The following ENAH variants were observed in gnomAD, a reference collection of about 807,000 sequenced individuals.
The protein encoded by ENAH is ENAH actin regulator.
A neutral mutation model predicts 78.7 loss-of-function variants in ENAH; 23 were observed. That is an observed-to-expected ratio of 0.29 (90% CI 0.21 to 0.41). The LOEUF is 0.41. Among genes scored for constraint, ENAH ranks in the 10% least tolerant of loss-of-function variants. The pLI, the probability that ENAH is intolerant of heterozygous loss-of-function variation, is 1.00. For synonymous variants in ENAH, 226 were observed against 241.0 expected (o/e 0.94, Z 0.58); for missense variants, 544 against 691.0 (o/e 0.79, Z 2.39).
intron 2 of ENAH, among the ~76,000 whole-genome samples, chr1:225,565,952 GA>G (rs1259171058): frequency 6.6e-6 from 1 of 152,158 alleles, no homozygotes; most frequent in Non-Finnish European, 1.5e-5. Context: ...TGTATAAATG[GA>G]TAAATCTGGT....
At chr1:225,646,414 T>A (rs1661971488) in intron 1 of ENAH, among the ~76,000 whole-genome samples, 1 of 151,908 alleles carries the variant, frequency 6.6e-6, no homozygotes, top group African/African-American at 2.4e-5. Context: ...CACCCTACCA[T>A]GTGAGGACAC....
intron 4 of ENAH, among the ~76,000 whole-genome samples, chr1:225,521,937 A>T (rs576535133): frequency 9.9e-5 from 15 of 152,178 alleles, no homozygotes; most frequent in African/African-American, 3.4e-4. Context: ...CTGGGACTAC[A>T]GGTGCCCGCC....
chr1:225,519,164 T>C (rs1445705306), intron 5 of ENAH, 34 bp downstream of exon 5: 8 of 1,602,218 alleles, frequency 5.0e-6, no homozygotes, highest in African/African-American at 1.3e-5. Flanking sequence ...CAAGCTCAGA[T>C]ACAAGAACAC....
chr1:225,537,213 C>A (rs1336880671), intron 3 of ENAH, among the ~76,000 whole-genome samples: 1 of 152,092 alleles, frequency 6.6e-6, no homozygotes, highest in Non-Finnish European at 1.5e-5. Context: ...AAAGATACTG[C>A]CACATCCCAT....
chr1:225,524,389 C>G (rs925326369), intron 4 of ENAH, among the ~76,000 whole-genome samples: 4 of 152,140 alleles, frequency 2.6e-5, no homozygotes, highest in African/African-American at 7.2e-5. Context: ...GAAGTAGGAA[C>G]AGTCTAGGAA....
intron 4 of ENAH, among the ~76,000 whole-genome samples, chr1:225,525,684 T>C (rs1162095531): frequency 1.3e-5 from 2 of 152,164 alleles, no homozygotes; most frequent in Non-Finnish European, 1.5e-5. Context: ...CATTCTTGCT[T>C]TACTCCCTCA....
intron 3 of ENAH, among the ~76,000 whole-genome samples, chr1:225,549,564 C>G (rs1302982653): frequency 1.3e-5 from 2 of 152,174 alleles, no homozygotes; most frequent in African/African-American, 4.8e-5. Flanking sequence ...CCTCGCATCA[C>G]TACAGTAGTG....
Position 225,554,891 on chromosome 1 carries a change from C to G in ENAH, c.349+15G>C. 1 of 1,500,222 alleles carries G rather than the reference C, an allele frequency of 6.7e-7. No homozygotes were observed. Among genetic ancestry groups the G allele is most frequent in the African/African-American group, 1.4e-5 (1 of 73,304 alleles). 92.9% of individuals were successfully genotyped at this position (1,500,222 alleles called of 1,614,324 possible). ...GAAAAAGAAAGAAAATACAAATAAA[C>G]CATGGGCACCTTACCTGTTTCCTGT... On this transcript the variant is annotated intron_variant, in intron 3 of 13. Coordinates refer to ENST00000366843, the MANE Select transcript of ENAH (RefSeq NM_018212.6).
intron 1 of ENAH, among the ~76,000 whole-genome samples, chr1:225,605,743 A>G (rs879469096): frequency 2.0e-5 from 3 of 152,200 alleles, no homozygotes; most frequent in Non-Finnish European, 4.4e-5. Flanking sequence ...AACTGAGTAT[A>G]CAGGTGGGCC....
At chr1:225,538,748 A>G (rs1305860762) in intron 3 of ENAH, among the ~76,000 whole-genome samples, 1 of 152,204 alleles carries the variant, frequency 6.6e-6, no homozygotes, top group African/African-American at 2.4e-5. Context: ...CACTGGCAAT[A>G]GTCTTAATAT....
At chr1:225,540,523 G>C (rs981790115) in intron 3 of ENAH, among the ~76,000 whole-genome samples, 4 of 152,066 alleles carry the variant, frequency 2.6e-5, no homozygotes, top group Non-Finnish European at 5.9e-5. Flanking sequence ...AAAAAATGAA[G>C]GCAGTGAAGA....
At chr1:225,537,130 GA>G (rs200462336) in intron 3 of ENAH, among the ~76,000 whole-genome samples, 31 of 149,846 alleles carry the variant, frequency 2.1e-4, no homozygotes, top group Non-Finnish European at 3.0e-4. Flanking sequence ...TATTTAAAGA[GA>G]AAAAAAAACC....
intron 3 of ENAH, chr1:225,535,483 T>C (rs2096557362): frequency 6.9e-6 from 9 of 1,295,394 alleles, no homozygotes; most frequent in Admixed American, 4.6e-5. Flanking sequence ...CTTGAAAAAG[T>C]AATGTAAACA....
At chr1:225,627,785 G>C (rs1428145356) in intron 1 of ENAH, among the ~76,000 whole-genome samples, 1 of 152,196 alleles carries the variant, frequency 6.6e-6, no homozygotes. Context: ...GCTACTGAAT[G>C]TAACTTTCAG....
At chr1:225,577,521 AG>A (rs2096794178) in intron 1 of ENAH, among the ~76,000 whole-genome samples, 1 of 152,242 alleles carries the variant, frequency 6.6e-6, no homozygotes, top group Non-Finnish European at 1.5e-5. Context: ...CTTCCTCTAA[AG>A]ACCACACTTA....
At chr1:225,650,454 C>G (rs1399932105) in intron 1 of ENAH, among the ~76,000 whole-genome samples, 1 of 152,178 alleles carries the variant, frequency 6.6e-6, no homozygotes, top group African/African-American at 2.4e-5. Context: ...AGACTGACAT[C>G]TATACATGAC....
intron 3 of ENAH, chr1:225,535,660 G>A: frequency 1.8e-6 from 1 of 549,808 alleles, no homozygotes; most frequent in South Asian, 1.7e-5. Context: ...TGTTCAAAAT[G>A]TATTTATACA....
chr1:225,591,810 GA>G (rs935297505), intron 1 of ENAH, among the ~76,000 whole-genome samples: 24 of 142,226 alleles, frequency 1.7e-4, no homozygotes, highest in African/African-American at 6.0e-4. Flanking sequence ...AAGTCTTTCT[GA>G]AATGTTTAAC....
At chr1:225,652,426 G>A in intron 1 of ENAH, 1 of 984,958 alleles carries the variant, frequency 1.0e-6, no homozygotes. Flanking sequence ...AATTTAGGAA[G>A]GGAAATCCTG....
Sources: allele counts gnomAD v4.1 joint callset (sites outside exome capture counted in the v4.1 genomes callset), GRCh38; gene constraint gnomAD v4.1.1; transcripts MANE v1.5; gene names NCBI Gene and HGNC (gene_info 2026-07-23, HGNC 2026-07-21).